The following SLIT3 variants were observed in gnomAD, a reference collection of about 807,000 sequenced individuals.
SLIT3 encodes the protein slit homolog 3 protein.
SLIT3 carries 68 observed loss-of-function variants against 184.0 expected under a neutral mutation model. That is an observed-to-expected ratio of 0.37 (90% confidence interval 0.30 to 0.45). SLIT3 has a LOEUF of 0.45. SLIT3 is among the 20% of genes least tolerant of loss of function. SLIT3 has a pLI of 1.00. For missense variants in SLIT3, 1,707 were observed against 2,026.0 expected (o/e 0.84, Z 3.02); for synonymous variants, 831 against 828.6 (o/e 1.00, Z -0.05).
In SLIT3 at chr5:168,666,259, G is replaced by A. The variant is rs78851140; in HGVS notation, c.*195C>T. ...GGTGTAATATATTTATATAATAAAA[G>A]ATGAAAATAGTCACTTTCCATAATA... On this transcript the variant is annotated 3_prime_UTR_variant, in exon 36 of 36. Coordinates refer to ENST00000519560, the MANE Select transcript of SLIT3 (RefSeq NM_003062.4). 8.0e-3 allele frequency: 3,921 copies of A among 489,216 alleles called. 261 individuals are homozygous for A. In the East Asian group the frequency reaches 0.11, roughly 14 times the overall value. The allele number at this position is 489,216 out of a possible 1,614,324, so 30.3% of individuals were successfully genotyped here. A position where few individuals can be genotyped will look rare whatever the true frequency, so the allele number is the denominator to read the frequency against.
chr5:168,868,118 CCTT>C (rs2113760730), intron 5 of SLIT3, among the ~76,000 whole-genome samples: 1 of 152,302 alleles, frequency 6.6e-6, no homozygotes, highest in African/African-American at 2.4e-5. Flanking sequence ...CCCCAAAACT[CCTT>C]CTCCTCTAAC....
At chr5:168,872,590 CT>C (rs34444404) in intron 5 of SLIT3, among the ~76,000 whole-genome samples, 48,630 of 139,934 alleles carry the variant, frequency 0.35, 9,399 homozygotes, top group African/African-American at 0.55. Context: ...AAATTAAAGT[CT>C]TTTTTTTTTT....
intron 4 of SLIT3, chr5:169,024,668 A>C (rs1366569088): frequency 6.6e-6 from 1 of 152,204 alleles, no homozygotes; most frequent in Admixed American, 6.5e-5. Flanking sequence ...AGTGTGACAC[A>C]CACAGCCTGG....
rs201104687 is a variant in SLIT3, at chr5:168,835,826, T to A, written c.557+8758A>T. On this transcript the variant is annotated intron_variant, in intron 6 of 35. Coordinates refer to ENST00000519560, the MANE Select transcript of SLIT3 (RefSeq NM_003062.4). Reference sequence around the variant, plus strand: ...ACTCCATCTCAAAAAAAAAAAAAAATTTGTTTTTGTTTTTGTTTTAGTTTG... The same window carrying A: ...ACTCCATCTCAAAAAAAAAAAAAAAATTGTTTTTGTTTTTGTTTTAGTTTG... 7.2e-3 allele frequency among the ~76,000 whole-genome samples: 1,039 copies of A among 143,420 alleles called. 22 individuals carry two copies. The highest frequency in any genetic ancestry group is 0.024 in the African/African-American group (884 of 37,482). The allele number at this position is 143,420 out of a possible 152,430, so 94.1% of individuals were successfully genotyped here.
At chr5:168,668,173 T>C (rs1761117101) in intron 35 of SLIT3, among the ~76,000 whole-genome samples, 1 of 152,138 alleles carries the variant, frequency 6.6e-6, no homozygotes, top group African/African-American at 2.4e-5. Flanking sequence ...TTAATATTAA[T>C]ATAATTTCCT....
At chr5:168,972,337 A>ATGTGTGTGTGTGTGTGTGTGTGTGTGTG (rs60588036) in intron 4 of SLIT3, among the ~76,000 whole-genome samples, 1,282 of 118,214 alleles carry the variant, frequency 0.011, 54 homozygotes, top group Middle Eastern at 0.021. Flanking sequence ...GCAGGACAAC[A>ATGTGTGTGTGTGTGTGTGTGTGTGTGTG]TGTGTGTGTG....
chr5:168,801,668 G>C (rs1217878101), intron 9 of SLIT3, among the ~76,000 whole-genome samples: 1 of 152,194 alleles, frequency 6.6e-6, no homozygotes, highest in African/African-American at 2.4e-5. Context: ...CAGAGCAGAT[G>C]AACATGTGGG....
intron 4 of SLIT3, among the ~76,000 whole-genome samples, chr5:169,180,373 G>A (rs978543083): frequency 1.3e-5 from 2 of 152,306 alleles, no homozygotes; most frequent in Non-Finnish European, 1.5e-5. Flanking sequence ...GTCTTCTCAG[G>A]ACTATGTAAA....
chr5:168,847,355 T>C (rs1169243973), intron 5 of SLIT3, among the ~76,000 whole-genome samples: 1 of 152,200 alleles, frequency 6.6e-6, no homozygotes, highest in African/African-American at 2.4e-5. Flanking sequence ...ACAGACAGGA[T>C]ATTCCAACCA....
intron 4 of SLIT3, among the ~76,000 whole-genome samples, chr5:168,916,922 C>T (rs1387250250): frequency 6.6e-6 from 1 of 152,148 alleles, no homozygotes; most frequent in Non-Finnish European, 1.5e-5. Flanking sequence ...ATGCTGCACA[C>T]CTCACCCACG....
At chr5:169,107,417 C>T (rs1413653971) in intron 4 of SLIT3, among the ~76,000 whole-genome samples, 2 of 152,208 alleles carry the variant, frequency 1.3e-5, no homozygotes, top group African/African-American at 2.4e-5. Flanking sequence ...CTGTATATCA[C>T]TGGTCTTTCA....
chr5:168,854,516 G>C (rs570068604), intron 5 of SLIT3, among the ~76,000 whole-genome samples: 1 of 152,286 alleles, frequency 6.6e-6, no homozygotes, highest in East Asian at 1.9e-4. Flanking sequence ...TGCACCTTGA[G>C]AGGATGCTTC....
At chr5:168,920,703 C>A (rs1761608306) in intron 4 of SLIT3, among the ~76,000 whole-genome samples, 1 of 152,200 alleles carries the variant, frequency 6.6e-6, no homozygotes, top group African/African-American at 2.4e-5. Flanking sequence ...CGTGGGTGAA[C>A]TTCTCTTTTG....
In SLIT3 at chr5:169,300,452, T is replaced by G. The variant is rs910967673; in HGVS notation, c.197+61A>C. The G allele has an allele frequency of 7.2e-7, 1 of 1,390,898 alleles. No homozygotes were observed. Among genetic ancestry groups the G allele is most frequent in the Middle Eastern group, 2.6e-4 (1 of 3,912 alleles). 86.2% of individuals were successfully genotyped at this position (1,390,898 alleles called of 1,614,324 possible). A position where few individuals can be genotyped will look rare whatever the true frequency, so the allele number is the denominator to read the frequency against. On this transcript the variant is annotated intron_variant, in intron 1 of 35. Transcript: ENST00000519560. The surrounding 1 kb of genome is among the most constrained non-coding windows in gnomAD (Gnocchi z 4.1). ...GAGGGGAAAGGACGGATCTGGCGCC[T>G]GGGGCCCCCTCGGTGGGACCCAGGT...
At chr5:169,222,634 T>A (rs1764650477) in intron 3 of SLIT3, among the ~76,000 whole-genome samples, 1 of 152,008 alleles carries the variant, frequency 6.6e-6, no homozygotes. Flanking sequence ...AGTAGAAGGG[T>A]CTAAGAAAAC....
chr5:169,216,338 C>T (rs1368912775), intron 3 of SLIT3, among the ~76,000 whole-genome samples: 13 of 152,220 alleles, frequency 8.5e-5, no homozygotes, highest in Admixed American at 8.5e-4. Flanking sequence ...CCCAGTGACC[C>T]TTTGAGCTCC....
At chr5:169,188,730 T>A (rs772980066) in intron 4 of SLIT3, among the ~76,000 whole-genome samples, 13 of 152,232 alleles carry the variant, frequency 8.5e-5, no homozygotes, top group Non-Finnish European at 1.5e-4. Flanking sequence ...ACGTGCTTTG[T>A]TCAATGCCAA....
chr5:169,030,371 C>CT (rs1756984153), intron 4 of SLIT3: 1 of 152,354 alleles, frequency 6.6e-6, no homozygotes, highest in South Asian at 2.1e-4. Context: ...CTCACCCTCC[C>CT]TCTTCAATTT....
At chr5:168,814,440 T>C (rs1757264306) in intron 8 of SLIT3, among the ~76,000 whole-genome samples, 1 of 151,836 alleles carries the variant, frequency 6.6e-6, no homozygotes, top group Non-Finnish European at 1.5e-5. Context: ...CACCCCACCA[T>C]AGACAGGTCC....
Sources: gnomAD v4.1 joint callset for allele counts (sites outside exome capture counted in the v4.1 genomes callset) on GRCh38, gnomAD v4.1.1 for gene constraint, Gnocchi (gnomAD v3.1) non-coding constraint, MANE v1.5 for transcripts, NCBI Gene and HGNC (gene_info 2026-07-23, HGNC 2026-07-21) for gene names.